The following PTPRT variants were observed in gnomAD, a reference collection of about 807,000 sequenced individuals.
PTPRT encodes receptor-type tyrosine-protein phosphatase T.
PTPRT carries 56 observed loss-of-function variants against 176.8 expected under a neutral mutation model. The observed-to-expected ratio is 0.32, with a 90% confidence interval of 0.26 to 0.40. The LOEUF is 0.40. Among genes scored for constraint, PTPRT ranks in the 10% least tolerant of loss-of-function variants. The probability of loss-of-function intolerance (pLI) is 1.00; values close to 1 mark genes in which losing one functional copy is unlikely to be tolerated. For missense variants in PTPRT, 1,540 were observed against 1,908.2 expected (o/e 0.81, Z 3.60); for synonymous variants, 783 against 739.0 (o/e 1.06, Z -0.96).
At chr20:42,184,596 T>C (rs1355035698) in intron 16 of PTPRT, among the ~76,000 whole-genome samples, 2 of 143,458 alleles carry the variant, frequency 1.4e-5, no homozygotes, top group East Asian at 4.1e-4. Context: ...TTCTTCTTCC[T>C]CTTCTTCTTC....
chr20:42,115,910 A>C, intron 21 of PTPRT: 2 of 624,298 alleles, frequency 3.2e-6, no homozygotes, highest in East Asian at 2.8e-5. Context: ...CTGGACTCCA[A>C]GGGAAGATGC....
At chr20:43,042,696 T>C (rs1986658459) in intron 1 of PTPRT, among the ~76,000 whole-genome samples, 1 of 118,232 alleles carries the variant, frequency 8.5e-6, no homozygotes, top group Non-Finnish European at 1.7e-5. Context: ...GAGAAGGGCA[T>C]TCTTCCACCC....
At chr20:42,519,298 T>C (rs553959667) in intron 7 of PTPRT, among the ~76,000 whole-genome samples, 7 of 152,288 alleles carry the variant, frequency 4.6e-5, no homozygotes, top group African/African-American at 1.7e-4. Context: ...GGTTTTTGTA[T>C]GTATTCCTTT....
intron 15 of PTPRT, among the ~76,000 whole-genome samples, chr20:42,205,279 T>G (rs1161957040): frequency 1.3e-5 from 2 of 152,162 alleles, no homozygotes; most frequent in East Asian, 3.8e-4. Flanking sequence ...AAGGCCCAAC[T>G]CAAATGTCCC....
intron 1 of PTPRT, among the ~76,000 whole-genome samples, chr20:42,925,007 C>G (rs1336036956): frequency 6.6e-6 from 1 of 152,304 alleles, no homozygotes; most frequent in East Asian, 1.9e-4. Context: ...AGAATTACTG[C>G]GGCTGCATTG....
chr20:42,552,371 G>C (rs184663259), intron 7 of PTPRT, among the ~76,000 whole-genome samples: 2 of 152,032 alleles, frequency 1.3e-5, no homozygotes, highest in Non-Finnish European at 2.9e-5. Flanking sequence ...TCTAAAGATC[G>C]ATCAATGCAG....
At chr20:42,154,393 G>GCCATCACC (rs1431489068) in intron 17 of PTPRT, among the ~76,000 whole-genome samples, 1 of 152,156 alleles carries the variant, frequency 6.6e-6, no homozygotes, top group Non-Finnish European at 1.5e-5. Context: ...CTGCCTGCCT[G>GCCATCACC]CCATCACCCC....
intron 8 of PTPRT, among the ~76,000 whole-genome samples, chr20:42,461,322 C>A (rs565263055): frequency 1.3e-5 from 2 of 151,826 alleles, no homozygotes; most frequent in African/African-American, 2.4e-5. Context: ...AGTGAAACTC[C>A]GTCTCAAAAA....
At chr20:42,450,503 T>C (rs1039899154) in intron 8 of PTPRT, among the ~76,000 whole-genome samples, 4 of 152,250 alleles carry the variant, frequency 2.6e-5, no homozygotes, top group South Asian at 2.1e-4. Flanking sequence ...ACAAATTATC[T>C]ATACCTTGTG....
At chr20:42,121,500 C>T (rs1482606295) in intron 19 of PTPRT, among the ~76,000 whole-genome samples, 1 of 152,122 alleles carries the variant, frequency 6.6e-6, no homozygotes, top group Non-Finnish European at 1.5e-5. Flanking sequence ...GCAGGCAACA[C>T]AGCATGGTGG....
In PTPRT at chr20:42,958,786, C is replaced by T. The variant is rs1981820668; in HGVS notation, c.89-72854G>A. ...CCCAGCACACCAAGATGTATTGTCA[C>T]CCAACCCTTCACCCCTCGGCTGTTA... On this transcript the variant is annotated intron_variant, in intron 1 of 30. Transcript: ENST00000373187. Among the ~76,000 whole-genome samples, 4 of 152,126 alleles carry T rather than the reference C, an allele frequency of 2.6e-5. 1 individual carries two copies. The highest frequency in any genetic ancestry group is 2.6e-4 in the Admixed American group (4 of 15,272).
chr20:42,982,240 G>A (rs1331369855), intron 1 of PTPRT, among the ~76,000 whole-genome samples: 1 of 152,204 alleles, frequency 6.6e-6, no homozygotes, highest in Non-Finnish European at 1.5e-5. Context: ...GCATCATTAT[G>A]CTGCCGGCAC....
chr20:42,704,995 C>T (rs150325107), intron 6 of PTPRT, among the ~76,000 whole-genome samples: 4 of 152,128 alleles, frequency 2.6e-5, no homozygotes, highest in East Asian at 3.9e-4. Flanking sequence ...CACCTGAGGT[C>T]GGAAGTTCGA....
chr20:42,044,264 G>A, the PTPRT span, among the ~76,000 whole-genome samples: 2 of 152,242 alleles, frequency 1.3e-5, no homozygotes, highest in African/African-American at 4.8e-5. Context: ...TGCCAGCCAC[G>A]CAGTGCCTTG....
At chr20:42,315,013 T>C (rs973398717) in intron 12 of PTPRT, among the ~76,000 whole-genome samples, 1 of 152,118 alleles carries the variant, frequency 6.6e-6, no homozygotes, top group Non-Finnish European at 1.5e-5. Flanking sequence ...TGATATGCTT[T>C]CCAGCCCTGT....
intron 17 of PTPRT, among the ~76,000 whole-genome samples, chr20:42,158,456 CAT>C (rs1003989884): frequency 4.6e-5 from 7 of 152,196 alleles, no homozygotes; most frequent in African/African-American, 1.7e-4. Context: ...CAAACCCACT[CAT>C]GTGTATGAAA....
intron 18 of PTPRT, 151 bp downstream of exon 18, chr20:42,141,764 C>A (rs1342626343): frequency 1.3e-5 from 10 of 753,472 alleles, no homozygotes; most frequent in Non-Finnish European, 2.0e-5. Flanking sequence ...GGCAGTAAGG[C>A]TGATATAAAG....
intron 6 of PTPRT, among the ~76,000 whole-genome samples, chr20:42,683,944 A>C (rs2146090903): frequency 6.6e-6 from 1 of 152,252 alleles, no homozygotes; most frequent in East Asian, 1.9e-4. Context: ...CTACCCTAAC[A>C]GTGAGCAATC....
rs986391866 is a variant in PTPRT at position 42,369,290 on chromosome 20, T to C, written c.1561-17005A>G. Among the ~76,000 whole-genome samples the C allele has an allele frequency of 5.9e-5, 9 of 152,258 alleles. No individual in the cohort carries two copies. In the South Asian group the frequency reaches 1.7e-3, roughly 28 times the overall value. Reference sequence around the variant, plus strand: ...TGGCTCTTTCATTTAATGACAAACATTCTAGGGGCCCAGATTTTGCCTCCA... The same window carrying C: ...TGGCTCTTTCATTTAATGACAAACACTCTAGGGGCCCAGATTTTGCCTCCA... On this transcript the variant is annotated intron_variant, in intron 9 of 30. Transcript: ENST00000373187.
Sources: gnomAD v4.1 joint callset for allele counts (sites outside exome capture counted in the v4.1 genomes callset) on GRCh38, gnomAD v4.1.1 for gene constraint, MANE v1.5 for transcripts, NCBI Gene and HGNC (gene_info 2026-07-23, HGNC 2026-07-21) for gene names.